The following TYW1B variants were observed in gnomAD, a reference collection of about 807,000 sequenced individuals.
TYW1B encodes tRNA-yW synthesizing protein 1 homolog B, also known as S-adenosyl-L-methionine-dependent tRNA 4-demethylwyosine synthase TYW1B.
TYW1B carries 73 observed loss-of-function variants against 86.9 expected under a neutral mutation model. The observed-to-expected ratio is 0.84, with a 90% confidence interval of 0.70 to 1.02. The LOEUF is 1.02. Among genes scored for constraint, TYW1B ranks in the 50% least tolerant of loss-of-function variants. TYW1B has a pLI of 0.00. For missense variants in TYW1B, 637 were observed against 827.4 expected, an observed-to-expected ratio of 0.77 and a Z score of 2.82; for synonymous variants, 248 against 292.8, an observed-to-expected ratio of 0.85 and a Z score of 1.56.
intron 11 of TYW1B, among the ~76,000 whole-genome samples, chr7:72,632,346 T>TA (rs1563038541): frequency 7.0e-4 from 72 of 103,546 alleles, no homozygotes; most frequent in Admixed American, 2.7e-3. Flanking sequence ...CGTATATATA[T>TA]TATATATATT....
intron 7 of TYW1B, among the ~76,000 whole-genome samples, chr7:72,749,823 G>A (rs1171926213): frequency 6.9e-6 from 1 of 145,542 alleles, no homozygotes; most frequent in Admixed American, 6.9e-5. Context: ...AGAATTTAAT[G>A]TTGTAAATTT....
chr7:72,739,611 A>C (rs1787266704), intron 8 of TYW1B, among the ~76,000 whole-genome samples: 1 of 151,432 alleles, frequency 6.6e-6, no homozygotes, highest in South Asian at 2.1e-4. Context: ...GTCTCCAAAA[A>C]AAAAAAAAAA....
At chr7:72,824,198 G>A (rs529791259) in intron 2 of TYW1B, among the ~76,000 whole-genome samples, 38 of 152,146 alleles carry the variant, frequency 2.5e-4, no homozygotes, top group African/African-American at 8.0e-4. Context: ...TTCCACAAGA[G>A]GGCAGTAGAA....
intron 7 of TYW1B, among the ~76,000 whole-genome samples, chr7:72,749,021 A>C (rs1787442854): frequency 6.6e-6 from 1 of 152,116 alleles, no homozygotes; most frequent in South Asian, 2.1e-4. Flanking sequence ...TCTTCATTAA[A>C]TATTTGGTAG....
intron 13 of TYW1B, among the ~76,000 whole-genome samples, chr7:72,601,517 T>C (rs1194344925): frequency 6.6e-6 from 1 of 152,022 alleles, no homozygotes; most frequent in Admixed American, 6.6e-5. Context: ...ACTTAGATAT[T>C]TACCCAACTA....
intron 5 of TYW1B, among the ~76,000 whole-genome samples, chr7:72,805,889 T>G (rs1408560872): frequency 4.6e-5 from 7 of 152,124 alleles, no homozygotes; most frequent in Non-Finnish European, 2.9e-5. Context: ...ATTATGCAAC[T>G]GACCAGGTGG....
At chr7:72,666,133 G>A (rs1368338487) in intron 11 of TYW1B, among the ~76,000 whole-genome samples, 2 of 152,024 alleles carry the variant, frequency 1.3e-5, no homozygotes, top group Admixed American at 1.3e-4. Context: ...AAGAACAAAG[G>A]CCAGGCATGG....
rs1473110053 is a variant in TYW1B at position 72,730,634 on chromosome 7, GAAA to G, written c.1083-1706_1083-1704del. Among the ~76,000 whole-genome samples the G allele has an allele frequency of 2.7e-5, 4 of 150,832 alleles. No individual in the cohort carries two copies. The Admixed American group carries it at 2.7e-4, about 10-fold the overall frequency. ...AGAAGAAGAGGAGAAAAAGAAAGAA[GAAA>G]AGAAGAAGAAGGGAGAAGGGAGAAG... On this transcript the variant is annotated intron_variant, in intron 8 of 13. Transcript: ENST00000620995.
chr7:72,742,567 C>T (rs1198610044), intron 8 of TYW1B, among the ~76,000 whole-genome samples: 17 of 152,130 alleles, frequency 1.1e-4, no homozygotes, highest in African/African-American at 3.4e-4. Context: ...ATAAAGGAGG[C>T]GGGACAGAGC....
intron 13 of TYW1B, among the ~76,000 whole-genome samples, chr7:72,601,498 AGCAATT>A (rs1420010478): frequency 3.3e-5 from 5 of 152,202 alleles, no homozygotes; most frequent in Non-Finnish European, 7.3e-5. Flanking sequence ...CATATGATCC[AGCAATT>A]GCACTTAGAT....
chr7:72,660,680 C>T (rs1554444319), intron 11 of TYW1B, among the ~76,000 whole-genome samples: 1 of 152,120 alleles, frequency 6.6e-6, no homozygotes, highest in East Asian at 1.9e-4. Context: ...AATTCTGAAT[C>T]ACTCCTAAAG....
intron 13 of TYW1B, among the ~76,000 whole-genome samples, chr7:72,583,440 T>C (rs1176586321): frequency 1.3e-5 from 2 of 152,112 alleles, no homozygotes; most frequent in African/African-American, 2.4e-5. Context: ...CGGAGATAAA[T>C]ACCAAATGAA....
intron 11 of TYW1B, among the ~76,000 whole-genome samples, chr7:72,671,014 G>C (rs1384916343): frequency 2.8e-4 from 43 of 152,146 alleles, no homozygotes; most frequent in African/African-American, 1.0e-3. Flanking sequence ...GATTCACTCA[G>C]CAAATATTTA....
chr7:72,637,346 C>T (rs544365870), intron 11 of TYW1B, among the ~76,000 whole-genome samples: 11 of 151,682 alleles, frequency 7.3e-5, no homozygotes, highest in Admixed American at 3.3e-4. Context: ...TAGATCATTT[C>T]ATCTAGTATT....
At chr7:72,774,292 C>G (rs1229667291) in intron 7 of TYW1B, among the ~76,000 whole-genome samples, 1 of 147,930 alleles carries the variant, frequency 6.8e-6, no homozygotes, top group African/African-American at 2.5e-5. Flanking sequence ...TAGCCCTATA[C>G]TGAGCCGGCT....
chr7:72,720,480 C>A (rs1239656465), intron 9 of TYW1B, among the ~76,000 whole-genome samples: 2 of 151,968 alleles, frequency 1.3e-5, no homozygotes, highest in Non-Finnish European at 2.9e-5. Flanking sequence ...AAACAAAATA[C>A]AAGACAAAAA....
At chr7:72,685,439 T>G (rs2960948) in intron 11 of TYW1B, among the ~76,000 whole-genome samples, 3 of 151,988 alleles carry the variant, frequency 2.0e-5, no homozygotes, top group Non-Finnish European at 4.4e-5. Context: ...CTGAAATGTA[T>G]GTGATATTGT....
chr7:72,671,375 G>T (rs536976514), intron 11 of TYW1B, among the ~76,000 whole-genome samples: 2 of 152,162 alleles, frequency 1.3e-5, no homozygotes, highest in East Asian at 3.9e-4. Context: ...ATTTTAACTG[G>T]CTCCTGACTG....
chr7:72,600,842 A>T (rs1299523360), intron 13 of TYW1B, among the ~76,000 whole-genome samples: 1 of 152,008 alleles, frequency 6.6e-6, no homozygotes, highest in Non-Finnish European at 1.5e-5. Flanking sequence ...AGCCTGGGCG[A>T]CAGAGAGAGA....
Sources: allele counts gnomAD v4.1 joint callset (sites outside exome capture counted in the v4.1 genomes callset), GRCh38; gene constraint gnomAD v4.1.1; transcripts MANE v1.5; gene names NCBI Gene and HGNC (gene_info 2026-07-23, HGNC 2026-07-21).